The following LRRTM3 variants were observed in gnomAD, a reference collection of about 807,000 sequenced individuals.
LRRTM3 encodes leucine rich repeat transmembrane neuronal 3, also known as leucine-rich repeat transmembrane neuronal protein 3.
In LRRTM3, 24 loss-of-function variants were observed where a neutral mutation model predicts 44.7. The observed-to-expected ratio is 0.54, with a 90% CI of 0.39 to 0.76. The LOEUF is 0.76. LRRTM3 is among the 30% of genes least tolerant of loss of function. The probability of loss-of-function intolerance (pLI) is 0.00; values close to 1 mark genes in which losing one functional copy is unlikely to be tolerated. For missense variants in LRRTM3, 587 were observed against 702.2 expected (o/e 0.84, Z 1.85); for synonymous variants, 277 against 278.7 (o/e 0.99, Z 0.06).
At chr10:67,050,332 C>T (rs1283248711) in intron 2 of LRRTM3, among the ~76,000 whole-genome samples, 1 of 152,146 alleles carries the variant, frequency 6.6e-6, no homozygotes, top group Admixed American at 6.6e-5. Context: ...GTTCGGTCTA[C>T]TTTTTCTTTT....
chr10:67,038,447 T>C (rs1854199144), intron 2 of LRRTM3, among the ~76,000 whole-genome samples: 2 of 151,998 alleles, frequency 1.3e-5, no homozygotes. Flanking sequence ...TATATGTCCA[T>C]TAATTAGAAA....
chr10:67,017,833 A>C (rs1852754410), intron 2 of LRRTM3, among the ~76,000 whole-genome samples: 1 of 151,952 alleles, frequency 6.6e-6, no homozygotes, highest in Non-Finnish European at 1.5e-5. Context: ...ATAGTGGCCC[A>C]ATCTCGGCTC....
At chr10:67,091,435 T>C (rs1363621922) in intron 2 of LRRTM3, among the ~76,000 whole-genome samples, 2 of 151,902 alleles carry the variant, frequency 1.3e-5, no homozygotes, top group Non-Finnish European at 2.9e-5. Context: ...TAAAGTATAC[T>C]TTAAATCCCA....
chr10:66,981,412 G>A (rs1348517319), intron 2 of LRRTM3, among the ~76,000 whole-genome samples: 1 of 152,148 alleles, frequency 6.6e-6, no homozygotes, highest in East Asian at 1.9e-4. Flanking sequence ...TGGATTTTGA[G>A]TCCCTTTGAA....
At chr10:66,960,470 T>C (rs1849050696) in intron 2 of LRRTM3, among the ~76,000 whole-genome samples, 2 of 152,110 alleles carry the variant, frequency 1.3e-5, no homozygotes, top group Admixed American at 6.6e-5. Flanking sequence ...AGTTAAGAAC[T>C]TCAAAAAGTT....
At chr10:67,029,919 C>T (rs1853618376) in intron 2 of LRRTM3, among the ~76,000 whole-genome samples, 1 of 152,170 alleles carries the variant, frequency 6.6e-6, no homozygotes, top group Admixed American at 6.5e-5. Context: ...ATAGAACAGC[C>T]CCATGGCTGG....
intron 2 of LRRTM3, among the ~76,000 whole-genome samples, chr10:67,095,130 T>C (rs974352998): frequency 1.3e-5 from 2 of 151,546 alleles, no homozygotes; most frequent in African/African-American, 2.4e-5. Flanking sequence ...TTCAAAATCA[T>C]TTAGGTCAAC....
intron 2 of LRRTM3, among the ~76,000 whole-genome samples, chr10:67,095,490 G>T (rs749310674): frequency 6.6e-6 from 1 of 151,606 alleles, no homozygotes; most frequent in Non-Finnish European, 1.5e-5. Context: ...ATTGATAATG[G>T]TTCAAATTAG....
chr10:67,065,916 C>G (rs1034148707), intron 2 of LRRTM3, among the ~76,000 whole-genome samples: 1 of 139,420 alleles, frequency 7.2e-6, no homozygotes, highest in Non-Finnish European at 1.5e-5. Flanking sequence ...AAGGAAATAC[C>G]ACCCTCAATC....
chr10:66,999,512 T>C lies in LRRTM3; in HGVS notation c.1536+71060T>C, dbSNP rs192077934. On this transcript the variant is annotated intron_variant, in intron 2 of 2. Coordinates refer to ENST00000361320, the MANE Select transcript of LRRTM3 (RefSeq NM_178011.5). The stretch of plus-strand genomic sequence containing the variant: ...GATTATGCCATAAAATCCATTCTTC[T>C]AGCTTCAATCACTATTGTCTCTCTT... Among the ~76,000 whole-genome samples, 650 of 152,292 alleles carry C rather than the reference T, an allele frequency of 4.3e-3. 3 individuals carry two copies. Among genetic ancestry groups the C allele is most frequent in the Middle Eastern group, 6.8e-3 (2 of 294 alleles).
At position 66,927,207 on chromosome 10, in the gene LRRTM3, C is replaced by G; in HGVS notation, c.291C>G (p.Ile97Met). Residue 97 changes from isoleucine (I) to methionine (M), a missense_variant, in exon 2 of 3, where the codon ATC (isoleucine) becomes ATG (methionine). Ile to Met is a conservative substitution (Grantham distance 10). Transcript: ENST00000361320. The surrounding 1 kb of genome is among the most constrained non-coding windows in gnomAD (Gnocchi z 4.7). The part of the protein sequence containing the change: ...LTWLYLDHNH[I>M]SNIDENAFNG... ...GGCTATACCTTGACCATAACCATAT[C>G]AGCAATATTGACGAAAATGCTTTTA... The G allele has an allele frequency of 6.2e-7, 1 of 1,614,148 alleles. No homozygotes were observed. The highest frequency in any genetic ancestry group is 8.5e-7 in the Non-Finnish European group (1 of 1,180,032).
intron 2 of LRRTM3, among the ~76,000 whole-genome samples, chr10:67,016,245 G>A (rs1333327701): frequency 1.3e-5 from 2 of 152,208 alleles, no homozygotes; most frequent in African/African-American, 4.8e-5. Context: ...ATGGGGAGGG[G>A]AAGAGGAAGG....
chr10:66,950,902 T>G (rs901729603), intron 2 of LRRTM3, among the ~76,000 whole-genome samples: 3 of 152,170 alleles, frequency 2.0e-5, no homozygotes, highest in Non-Finnish European at 4.4e-5. Flanking sequence ...TGTAATCACA[T>G]GAGACAGAAT....
chr10:67,097,562 CTT>C (rs760633975), intron 2 of LRRTM3, 23 bp from the exon 3 acceptor site: 14 of 1,602,638 alleles, frequency 8.7e-6, no homozygotes, highest in Non-Finnish European at 8.5e-7. Flanking sequence ...TTATAACTGA[CTT>C]TTCTCATGTC....
intron 2 of LRRTM3, among the ~76,000 whole-genome samples, 167 bp from the exon 3 acceptor site, chr10:67,097,420 C>T (rs1177656257): frequency 1.3e-5 from 2 of 151,828 alleles, no homozygotes; most frequent in African/African-American, 4.8e-5. Flanking sequence ...ACTGATCTCA[C>T]CATATAGGAA....
rs550996733 is a variant in LRRTM3 at position 67,055,759 on chromosome 10, G to A, written c.1537-41828G>A. ...AGCTAACAGTGGGCAGAGGATGAAA[G>A]ATGTACCTCAAAGGTTCTTAAAAGC... On this transcript the variant is annotated intron_variant, in intron 2 of 2. Coordinates refer to ENST00000361320, the MANE Select transcript of LRRTM3 (RefSeq NM_178011.5). Among the ~76,000 whole-genome samples, 75 of 152,226 alleles carry A rather than the reference G, an allele frequency of 4.9e-4. 1 individual carries two copies. Among genetic ancestry groups the A allele is most frequent in the African/African-American group, 1.6e-3 (68 of 41,550 alleles).
intron 2 of LRRTM3, among the ~76,000 whole-genome samples, chr10:67,077,926 G>T (rs192540248): frequency 3.8e-4 from 58 of 152,254 alleles, no homozygotes; most frequent in African/African-American, 1.3e-3. Flanking sequence ...GAAGGGGACA[G>T]AGAGAGAATA....
chr10:67,027,436 CTT>C (rs5785811), intron 2 of LRRTM3, among the ~76,000 whole-genome samples: 12 of 134,328 alleles, frequency 8.9e-5, no homozygotes, highest in African/African-American at 1.4e-4. Flanking sequence ...TCTTTCATGA[CTT>C]TTTTTTTTTT....
intron 2 of LRRTM3, among the ~76,000 whole-genome samples, chr10:66,974,519 T>C (rs1849914382): frequency 2.6e-5 from 4 of 152,214 alleles, no homozygotes; most frequent in Admixed American, 1.3e-4. Context: ...TGGGTAAATA[T>C]TTAGAATTGT....
Sources: gnomAD v4.1 joint callset for allele counts (sites outside exome capture counted in the v4.1 genomes callset) on GRCh38, gnomAD v4.1.1 for gene constraint, Gnocchi (gnomAD v3.1) non-coding constraint, MANE v1.5 for transcripts, NCBI Gene and HGNC (gene_info 2026-07-23, HGNC 2026-07-21) for gene names.